SENP7: variants seen among roughly 807,000 people sequenced by gnomAD.
SENP7 encodes SUMO specific peptidase 7.
In SENP7, 64 loss-of-function variants were observed where a neutral mutation model predicts 141.2. The observed-to-expected ratio is 0.45, with a 90% CI of 0.37 to 0.56. The LOEUF (loss-of-function observed/expected upper bound fraction) is 0.56. SENP7 is among the 20% of genes least tolerant of loss of function. The pLI, the probability that SENP7 is intolerant of heterozygous loss-of-function variation, is 0.00. For missense variants in SENP7, 1,025 were observed against 1,212.2 expected (o/e 0.85, Z 2.29); for synonymous variants, 382 against 426.4 (o/e 0.90, Z 1.28).
chr3:101,337,895 CT>C (rs2059228424), intron 16 of SENP7, among the ~76,000 whole-genome samples: 1 of 152,142 alleles, frequency 6.6e-6, no homozygotes, highest in Admixed American at 6.5e-5. Context: ...TGGCTCACGC[CT>C]GTAATCCAAG....
chr3:101,378,951 G>A (rs1165604304), intron 6 of SENP7, among the ~76,000 whole-genome samples: 2 of 152,028 alleles, frequency 1.3e-5, no homozygotes, highest in South Asian at 2.1e-4. Flanking sequence ...AAAGTACAAA[G>A]TTGCAGGATT....
intron 6 of SENP7, among the ~76,000 whole-genome samples, chr3:101,382,715 T>A (rs1027882906): frequency 6.6e-6 from 1 of 152,192 alleles, no homozygotes; most frequent in African/African-American, 2.4e-5. Flanking sequence ...TGTTCAGGAA[T>A]TGATAGCTCA....
chr3:101,365,634 CAAA>C (rs1010380283), intron 9 of SENP7, among the ~76,000 whole-genome samples: 19 of 62,134 alleles, frequency 3.1e-4, no homozygotes, highest in African/African-American at 1.1e-3. Flanking sequence ...GACTCTGTCT[CAAA>C]AAAAAAAAAA....
chr3:101,363,898 A>G (rs1388902891), intron 10 of SENP7, among the ~76,000 whole-genome samples: 1 of 152,194 alleles, frequency 6.6e-6, no homozygotes, highest in Admixed American at 6.5e-5. Flanking sequence ...TTTTCTTACA[A>G]ATAGAATAAT....
chr3:101,331,416 G>A (rs765323692), intron 19 of SENP7, among the ~76,000 whole-genome samples: 29 of 149,614 alleles, frequency 1.9e-4, no homozygotes, highest in Non-Finnish European at 3.0e-4. Context: ...CCAGGAGTTC[G>A]AGGTTGCAAT....
At chr3:101,418,104 T>C (rs1273684372) in intron 4 of SENP7, among the ~76,000 whole-genome samples, 1 of 152,204 alleles carries the variant, frequency 6.6e-6, no homozygotes, top group Non-Finnish European at 1.5e-5. Flanking sequence ...ACAGTGTTCA[T>C]TTGCAGATCT....
intron 1 of SENP7, among the ~76,000 whole-genome samples, chr3:101,501,787 T>G (rs2065391877): frequency 6.6e-6 from 1 of 152,100 alleles, no homozygotes. Flanking sequence ...GAACTTAGAG[T>G]CTACTGGAAT....
At chr3:101,457,759 AG>A (rs1576414514) in intron 4 of SENP7, 2 of 735,860 alleles carry the variant, frequency 2.7e-6, no homozygotes, top group East Asian at 5.1e-5. Flanking sequence ...GGCCATGCAG[AG>A]AACTAGGGTT....
At chr3:101,423,882 C>T (rs536972132) in intron 4 of SENP7, among the ~76,000 whole-genome samples, 5 of 152,312 alleles carry the variant, frequency 3.3e-5, no homozygotes, top group East Asian at 3.9e-4. Flanking sequence ...TCAACCACCA[C>T]GGACACTTCA....
At chr3:101,326,183 AT>A in intron 23 of SENP7, 103 bp from the exon 24 acceptor site, 1 of 895,856 alleles carries the variant, frequency 1.1e-6, no homozygotes, top group East Asian at 2.8e-5. Context: ...CTTTTTTAAA[AT>A]AACAATTATA....
At chr3:101,448,839 G>A (rs549140513) in intron 4 of SENP7, among the ~76,000 whole-genome samples, 7 of 152,310 alleles carry the variant, frequency 4.6e-5, no homozygotes, top group East Asian at 1.9e-4. Flanking sequence ...CCAAAGGAAC[G>A]CAGCTTCTCA....
intron 5 of SENP7, among the ~76,000 whole-genome samples, chr3:101,411,288 C>T (rs2061450479): frequency 2.0e-5 from 3 of 152,126 alleles, no homozygotes. Context: ...TGTAGTCTTG[C>T]TCAAAGCTAT....
chr3:101,418,996 T>C (rs1175593103), intron 4 of SENP7, among the ~76,000 whole-genome samples: 1 of 152,138 alleles, frequency 6.6e-6, no homozygotes, highest in African/African-American at 2.4e-5. Flanking sequence ...GGGTGTACAT[T>C]ACAGAGAATA....
At chr3:101,391,623 G>C (rs755501277) in intron 6 of SENP7, among the ~76,000 whole-genome samples, 31 of 152,192 alleles carry the variant, frequency 2.0e-4, no homozygotes, top group South Asian at 1.0e-3. Context: ...AAAAGCCCAG[G>C]ACTGGACGGT....
chr3:101,433,169 T>C (rs1219858779), intron 4 of SENP7, among the ~76,000 whole-genome samples: 3 of 152,092 alleles, frequency 2.0e-5, no homozygotes, highest in Admixed American at 2.0e-4. Flanking sequence ...TTGTTGTTTA[T>C]GCAAATAGTG....
intron 4 of SENP7, among the ~76,000 whole-genome samples, chr3:101,437,282 G>A (rs975821732): frequency 2.0e-5 from 3 of 152,112 alleles, no homozygotes; most frequent in African/African-American, 4.8e-5. Flanking sequence ...AATAAAAATA[G>A]AATGAATAAA....
intron 6 of SENP7, among the ~76,000 whole-genome samples, chr3:101,390,195 G>A (rs901433164): frequency 7.2e-6 from 1 of 139,188 alleles, no homozygotes; most frequent in Non-Finnish European, 1.5e-5. Flanking sequence ...ACTCTAGCTT[G>A]GGCAACAGAG....
At chr3:101,509,169 C>G (rs1296579781) in intron 1 of SENP7, among the ~76,000 whole-genome samples, 1 of 152,074 alleles carries the variant, frequency 6.6e-6, no homozygotes, top group Non-Finnish European at 1.5e-5. Flanking sequence ...TCCCTACCAA[C>G]CTGATTTAAG....
intron 2 of SENP7, among the ~76,000 whole-genome samples, chr3:101,496,827 C>T (rs1442932951): frequency 6.6e-6 from 1 of 152,236 alleles, no homozygotes; most frequent in Non-Finnish European, 1.5e-5. Context: ...ATCCACCCGC[C>T]TTGGCCTCCC....
Sources: gnomAD v4.1 joint callset for allele counts (sites outside exome capture counted in the v4.1 genomes callset) on GRCh38, gnomAD v4.1.1 for gene constraint, MANE v1.5 for transcripts, NCBI Gene and HGNC (gene_info 2026-07-23, HGNC 2026-07-21) for gene names.